Variants in EXT1 observed in about 807,000 individuals in gnomAD.
The protein encoded by EXT1 is exostosin-1.
In EXT1, 20 loss-of-function variants were observed where a neutral mutation model predicts 82.5. The ratio of observed to expected loss-of-function variants is 0.24; its 90% CI spans 0.17 to 0.35. The LOEUF (loss-of-function observed/expected upper bound fraction) is 0.35, where lower values mean the gene tolerates loss of function less well. EXT1 is among the 10% of genes least tolerant of loss of function. The pLI is 1.00. For synonymous variants in EXT1, 348 were observed against 350.8 expected (o/e 0.99, Z 0.09); for missense variants, 757 against 936.5 (o/e 0.81, Z 2.50).
chr8:118,095,079 C>CAA (rs1817586080), intron 1 of EXT1, among the ~76,000 whole-genome samples: 1 of 152,136 alleles, frequency 6.6e-6, no homozygotes, highest in Admixed American at 6.5e-5. Flanking sequence ...GTAGGAAAAT[C>CAA]AGATGAGGAA....
intron 1 of EXT1, among the ~76,000 whole-genome samples, chr8:118,051,330 C>CGCCATGCCCAAGCCAA (rs1816714102): frequency 1.3e-5 from 2 of 152,016 alleles, no homozygotes; most frequent in African/African-American, 4.8e-5. Context: ...AGAGCAAGAT[C>CGCCATGCCCAAGCCAA]CTATCTCAAA....
At chr8:118,001,874 A>T (rs1224267368) in intron 1 of EXT1, among the ~76,000 whole-genome samples, 2 of 152,214 alleles carry the variant, frequency 1.3e-5, no homozygotes, top group African/African-American at 4.8e-5. Flanking sequence ...GAAAACCATG[A>T]CCAAGCTTTT....
At chr8:118,004,283 T>C (rs1035056148) in intron 1 of EXT1, among the ~76,000 whole-genome samples, 2 of 152,244 alleles carry the variant, frequency 1.3e-5, no homozygotes, top group African/African-American at 4.8e-5. Context: ...GAGGTGTGCA[T>C]GTGCACGTAT....
chr8:117,794,922 T>G lies in EXT1; in HGVS notation c.*4790A>C, dbSNP rs1009894152. On this transcript the variant is annotated 3_prime_UTR_variant, in exon 11 of 11. Coordinates refer to ENST00000378204, the MANE Select transcript of EXT1 (RefSeq NM_000127.3). ...CCCTCAACATATCCTATACATATTG[T>G]TCTCTCAAAATAAGTACACAAGGTT... is the stretch of plus-strand genomic sequence containing the variant. 1.3e-5 allele frequency: 2 copies of G among 152,240 alleles called. No individual in the cohort carries two copies. Among genetic ancestry groups the G allele is most frequent in the Admixed American group, 1.3e-4 (2 of 15,286 alleles). 9.4% of individuals were successfully genotyped at this position (152,240 alleles called of 1,614,324 possible). A position where few individuals can be genotyped will look rare whatever the true frequency, so the allele number is the denominator to read the frequency against.
At chr8:117,989,542 T>A (rs1188867781) in intron 1 of EXT1, among the ~76,000 whole-genome samples, 1 of 152,342 alleles carries the variant, frequency 6.6e-6, no homozygotes, top group Admixed American at 6.5e-5. Flanking sequence ...AAGTCCATTC[T>A]GTTTGCTAAC....
At chr8:118,072,479 C>T (rs942187809) in intron 1 of EXT1, among the ~76,000 whole-genome samples, 1 of 152,236 alleles carries the variant, frequency 6.6e-6, no homozygotes, top group Non-Finnish European at 1.5e-5. Flanking sequence ...AAGACTCTAG[C>T]TTACCCTAAG....
intron 1 of EXT1, among the ~76,000 whole-genome samples, chr8:118,035,078 G>C (rs1318269654): frequency 6.6e-6 from 1 of 152,188 alleles, no homozygotes; most frequent in East Asian, 1.9e-4. Context: ...GGTCTTAACA[G>C]AAACAGAGCA....
At chr8:117,822,150 A>T (rs755479561) in intron 5 of EXT1, among the ~76,000 whole-genome samples, 1 of 152,168 alleles carries the variant, frequency 6.6e-6, no homozygotes, top group Non-Finnish European at 1.5e-5. Flanking sequence ...ATATATGATG[A>T]GGCTTAAAAT....
At chr8:118,106,857 T>A (rs953818179) in intron 1 of EXT1, among the ~76,000 whole-genome samples, 1 of 152,266 alleles carries the variant, frequency 6.6e-6, no homozygotes, top group Non-Finnish European at 1.5e-5. Flanking sequence ...TATCCACATG[T>A]GTTAAAATAT....
intron 1 of EXT1, among the ~76,000 whole-genome samples, chr8:117,986,257 T>C (rs1815318067): frequency 1.3e-5 from 2 of 151,896 alleles, no homozygotes; most frequent in Non-Finnish European, 2.9e-5. Flanking sequence ...TGGTGTGATT[T>C]CAGCTCACTG....
chr8:117,992,179 T>G (rs1387879980), intron 1 of EXT1, among the ~76,000 whole-genome samples: 1 of 152,012 alleles, frequency 6.6e-6, no homozygotes, highest in Non-Finnish European at 1.5e-5. Context: ...CCTCCCTCAC[T>G]TCACTTCATC....
At chr8:117,965,427 T>G (rs1814788667) in intron 1 of EXT1, among the ~76,000 whole-genome samples, 1 of 152,038 alleles carries the variant, frequency 6.6e-6, no homozygotes, top group African/African-American at 2.4e-5. Context: ...CCATTTAGTG[T>G]TTCAATGGAT....
intron 1 of EXT1, among the ~76,000 whole-genome samples, chr8:118,100,011 T>C (rs2451133): frequency 0.2 from 31,148 of 151,968 alleles, 3,411 homozygotes; most frequent in Admixed American, 0.27. Flanking sequence ...AGGGCAGTCG[T>C]TTCACTGACC....
intron 1 of EXT1, among the ~76,000 whole-genome samples, chr8:118,017,496 G>C (rs573676416): frequency 3.3e-5 from 5 of 151,904 alleles, no homozygotes. Context: ...CCTCACCACT[G>C]TATCTCCCCT....
At chr8:118,108,495 A>G (rs1817836894) in intron 1 of EXT1, among the ~76,000 whole-genome samples, 1 of 152,244 alleles carries the variant, frequency 6.6e-6, no homozygotes, top group African/African-American at 2.4e-5. Context: ...GTTCATTACT[A>G]ACCATAGTTT....
At chr8:118,029,381 C>T (rs530535087) in intron 1 of EXT1, among the ~76,000 whole-genome samples, 5 of 152,268 alleles carry the variant, frequency 3.3e-5, no homozygotes, top group Non-Finnish European at 7.4e-5. Flanking sequence ...AGGCACCATG[C>T]TACCGCACTC....
rs17451428 is a variant in EXT1, at chr8:118,056,554, G to A, written c.962+53531C>T. ...CTACCCCTTGTATTTTCACACATGC[G>A]GGCAAGTCTGAAAAGGGACCGTTTG... On this transcript the variant is annotated intron_variant, in intron 1 of 10. Coordinates refer to ENST00000378204, the MANE Select transcript of EXT1 (RefSeq NM_000127.3). Among the ~76,000 whole-genome samples, 274 of 152,156 alleles carry A rather than the reference G, an allele frequency of 1.8e-3. 6 individuals carry two copies. The East Asian group carries it at 0.046, about 26-fold the overall frequency.
chr8:118,088,888 G>A (rs1366022695), intron 1 of EXT1, among the ~76,000 whole-genome samples: 4 of 152,080 alleles, frequency 2.6e-5, no homozygotes, highest in Admixed American at 1.3e-4. Flanking sequence ...CTGGCAGCCC[G>A]CTTTCCACAA....
intron 10 of EXT1, among the ~76,000 whole-genome samples, chr8:117,800,908 C>T (rs1437433166): frequency 1.3e-5 from 2 of 152,214 alleles, no homozygotes; most frequent in Non-Finnish European, 2.9e-5. Flanking sequence ...CATTGTCTTT[C>T]AATCCCTGTT....
Sources: allele counts gnomAD v4.1 joint callset (sites outside exome capture counted in the v4.1 genomes callset), GRCh38; gene constraint gnomAD v4.1.1; transcripts MANE v1.5; gene names NCBI Gene and HGNC (gene_info 2026-07-23, HGNC 2026-07-21).